DSCAM: variants seen among roughly 807,000 people sequenced by gnomAD.
The protein encoded by DSCAM is cell adhesion molecule DSCAM.
Under a neutral mutation model 217.7 loss-of-function variants are expected in DSCAM, and 47 were observed. The ratio of observed to expected loss-of-function variants is 0.22; its 90% CI spans 0.17 to 0.28. DSCAM has a LOEUF of 0.28. Among genes scored for constraint, DSCAM ranks in the 10% least tolerant of loss-of-function variants. The probability of loss-of-function intolerance (pLI) is 1.00; values close to 1 mark genes in which losing one functional copy is unlikely to be tolerated. For missense variants in DSCAM, 2,080 were observed against 2,618.3 expected, an observed-to-expected ratio of 0.79 and a Z score of 4.49; for synonymous variants, 1,056 against 1,015.3, an observed-to-expected ratio of 1.04 and a Z score of -0.76.
intron 1 of DSCAM, among the ~76,000 whole-genome samples, chr21:40,817,599 C>T (rs1161062999): frequency 6.6e-6 from 1 of 152,104 alleles, no homozygotes; most frequent in Non-Finnish European, 1.5e-5. Context: ...ATGCATTGTG[C>T]CATGATGCAT....
chr21:40,602,781 T>G (rs1220891689), intron 3 of DSCAM, among the ~76,000 whole-genome samples: 1 of 152,034 alleles, frequency 6.6e-6, no homozygotes, highest in African/African-American at 2.4e-5. Context: ...GAACCAGATT[T>G]TAGTTTTGCT....
chr21:40,694,833 G>A (rs530303019), intron 2 of DSCAM, among the ~76,000 whole-genome samples: 1 of 152,026 alleles, frequency 6.6e-6, no homozygotes, highest in African/African-American at 2.4e-5. Flanking sequence ...TTTGCTGGGA[G>A]CTGAGGTCTA....
At chr21:40,798,740 T>C (rs2091713391) in intron 1 of DSCAM, among the ~76,000 whole-genome samples, 1 of 152,206 alleles carries the variant, frequency 6.6e-6, no homozygotes, top group African/African-American at 2.4e-5. Flanking sequence ...ATAAAAGACA[T>C]ACCAGACTGT....
At chr21:40,169,087 T>A (rs891519202) in intron 15 of DSCAM, among the ~76,000 whole-genome samples, 2 of 152,052 alleles carry the variant, frequency 1.3e-5, no homozygotes, top group African/African-American at 2.4e-5. Flanking sequence ...GAATAATGAA[T>A]GTCCTGGCAG....
chr21:40,236,496 G>T (rs1314211939), intron 11 of DSCAM, among the ~76,000 whole-genome samples: 11 of 152,024 alleles, frequency 7.2e-5, no homozygotes, highest in Non-Finnish European at 2.9e-5. Flanking sequence ...AATACATGGG[G>T]TAAGGAGCTA....
At chr21:40,149,512 C>G (rs1456830678) in intron 16 of DSCAM, among the ~76,000 whole-genome samples, 1 of 148,104 alleles carries the variant, frequency 6.8e-6, no homozygotes, top group Non-Finnish European at 1.5e-5. Context: ...ACATCCATCA[C>G]TCCATCACTA....
intron 3 of DSCAM, among the ~76,000 whole-genome samples, chr21:40,555,254 G>A (rs1379952426): frequency 6.6e-6 from 1 of 152,012 alleles, no homozygotes; most frequent in African/African-American, 2.4e-5. Flanking sequence ...GGGAACACAG[G>A]GAAGAAAAAA....
At chr21:40,703,470 GAT>G (rs926673567) in intron 2 of DSCAM, among the ~76,000 whole-genome samples, 6 of 152,080 alleles carry the variant, frequency 3.9e-5, no homozygotes, top group African/African-American at 1.4e-4. Context: ...AGTGAGCGAT[GAT>G]CACCCCACTG....
At chr21:40,332,336 T>C (rs1280686433) in intron 8 of DSCAM, among the ~76,000 whole-genome samples, 1 of 152,194 alleles carries the variant, frequency 6.6e-6, no homozygotes, top group East Asian at 1.9e-4. Flanking sequence ...ACATCTGCGT[T>C]TGAGTCTTGA....
At chr21:40,824,772 T>C (rs9305707) in intron 1 of DSCAM, among the ~76,000 whole-genome samples, 13,166 of 152,182 alleles carry the variant, frequency 0.087, 674 homozygotes, top group African/African-American at 0.14. Flanking sequence ...GATAGAATTC[T>C]GTGTCTCTCC....
At position 40,078,993 on chromosome 21, in the gene DSCAM, C is replaced by T; in HGVS notation, c.4421-16G>A. 1 of 1,610,684 alleles carries T rather than the reference C, an allele frequency of 6.2e-7. No homozygotes were observed. The highest frequency in any genetic ancestry group is 1.1e-5 in the South Asian group (1 of 90,324). ...AACTGGGGCTCTGGGGGAGAAGGCA[C>T]ATGGAGGTCAGCTCACAGGACACAT... On this transcript the variant is annotated splice_polypyrimidine_tract_variant and intron_variant, in intron 25 of 32. Transcript: ENST00000400454.
At chr21:40,075,864 C>T (rs2089359075) in intron 26 of DSCAM, among the ~76,000 whole-genome samples, 2 of 152,106 alleles carry the variant, frequency 1.3e-5, no homozygotes, top group Admixed American at 6.5e-5. Flanking sequence ...TAGATTATTT[C>T]GAGTAATAAG....
intron 11 of DSCAM, among the ~76,000 whole-genome samples, chr21:40,247,936 C>T (rs549803567): frequency 6.6e-6 from 1 of 152,336 alleles, no homozygotes; most frequent in South Asian, 2.1e-4. Context: ...GGAGGACATT[C>T]CCAAACCTCA....
intron 1 of DSCAM, among the ~76,000 whole-genome samples, chr21:40,749,749 G>T (rs1262149559): frequency 1.3e-5 from 2 of 152,166 alleles, no homozygotes; most frequent in Non-Finnish European, 2.9e-5. Flanking sequence ...AATGAAATCA[G>T]TGTGTTGAAG....
intron 3 of DSCAM, among the ~76,000 whole-genome samples, chr21:40,403,079 T>C (rs1043436459): frequency 3.3e-5 from 5 of 152,138 alleles, no homozygotes; most frequent in African/African-American, 9.7e-5. Flanking sequence ...ATGCCAACCT[T>C]GTATCATTTC....
chr21:40,633,224 G>A (rs1239345976), intron 3 of DSCAM, among the ~76,000 whole-genome samples: 1 of 152,190 alleles, frequency 6.6e-6, no homozygotes, highest in South Asian at 2.1e-4. Context: ...TGGAAGCAGA[G>A]AGTGGCAGTC....
chr21:40,048,093 A>T (rs900987629), intron 30 of DSCAM, among the ~76,000 whole-genome samples: 1 of 152,318 alleles, frequency 6.6e-6, no homozygotes, highest in East Asian at 1.9e-4. Flanking sequence ...GTCGCTGGCC[A>T]AGTGACCTTG....
intron 11 of DSCAM, among the ~76,000 whole-genome samples, chr21:40,194,204 C>A (rs2090983821): frequency 1.3e-5 from 2 of 152,092 alleles, no homozygotes; most frequent in South Asian, 4.2e-4. Context: ...TATTTTTGTT[C>A]TGGTTATTAA....
At chr21:40,558,403 G>A (rs918069134) in intron 3 of DSCAM, among the ~76,000 whole-genome samples, 2 of 150,644 alleles carry the variant, frequency 1.3e-5, no homozygotes, top group East Asian at 1.9e-4. Context: ...AGCCAAGATC[G>A]CACCACTGCA....
Sources: allele counts gnomAD v4.1 joint callset (sites outside exome capture counted in the v4.1 genomes callset), GRCh38; gene constraint gnomAD v4.1.1; transcripts MANE v1.5; gene names NCBI Gene and HGNC (gene_info 2026-07-23, HGNC 2026-07-21).